RANBP2: variants seen among roughly 807,000 people sequenced by gnomAD.
RANBP2 encodes the protein RAN binding protein 2, also known as E3 SUMO-protein ligase RanBP2.
RANBP2 carries 57 observed loss-of-function variants against 303.6 expected under a neutral mutation model. The observed-to-expected ratio is 0.19, with a 90% confidence interval of 0.15 to 0.23. The LOEUF (loss-of-function observed/expected upper bound fraction) is 0.23. Among genes scored for constraint, RANBP2 ranks in the 10% least tolerant of loss-of-function variants. The pLI is 1.00. For missense variants in RANBP2, 3,138 were observed against 3,780.8 expected (o/e 0.83, Z 4.46); for synonymous variants, 1,167 against 1,301.5 (o/e 0.90, Z 2.23).
rs570529585 is a variant in RANBP2 at position 108,730,667 on chromosome 2, A to G, written c.141-107A>G. Reference sequence around the variant, plus strand: ...TGAATAGCGGTAGTTTTGAGTAACAATATAAACGAGTTTAGTGGTTGCTTT... The same window carrying G: ...TGAATAGCGGTAGTTTTGAGTAACAGTATAAACGAGTTTAGTGGTTGCTTT... On this transcript the variant is annotated intron_variant, in intron 2 of 28. Transcript: ENST00000283195. 316 of 1,413,492 alleles carry G rather than the reference A, an allele frequency of 2.2e-4. 2 individuals are homozygous for G. The highest frequency in any genetic ancestry group is 1.6e-4 in the Non-Finnish European group (160 of 1,009,650). The allele number at this position is 1,413,492 out of a possible 1,614,324, so 87.6% of individuals were successfully genotyped here. A position where few individuals can be genotyped will look rare whatever the true frequency, so the allele number is the denominator to read the frequency against.
At chr2:108,808,117 T>A in the RANBP2 span, among the ~76,000 whole-genome samples, 1 of 152,220 alleles carries the variant, frequency 6.6e-6, no homozygotes, top group East Asian at 1.9e-4. Flanking sequence ...TGGTAAGGTC[T>A]TTCAGGTTCA....
At chr2:109,665,249 C>A in the RANBP2 span, 1 of 152,850 alleles carries the variant, frequency 6.5e-6, no homozygotes, top group South Asian at 1.9e-4. Context: ...CTGTACGTGC[C>A]GTGGAAATGG....
At chr2:109,548,177 C>CA in the RANBP2 span, among the ~76,000 whole-genome samples, 1,757 of 145,588 alleles carry the variant, frequency 0.012, 13 homozygotes, top group Non-Finnish European at 0.019. Flanking sequence ...TGGCTTACCT[C>CA]AAAAAAAAAA....
At chr2:108,821,867 C>T in the RANBP2 span, among the ~76,000 whole-genome samples, 19 of 151,174 alleles carry the variant, frequency 1.3e-4, no homozygotes, top group African/African-American at 2.4e-4. Flanking sequence ...ATTGCTTGAA[C>T]CCAGGAGGTG....
At chr2:109,259,211 T>C in the RANBP2 span, among the ~76,000 whole-genome samples, 2 of 152,198 alleles carry the variant, frequency 1.3e-5, no homozygotes, top group Non-Finnish European at 2.9e-5. Flanking sequence ...TTCTCTGGCC[T>C]TCATGGGTCG....
chr2:108,809,151 CTCTATGCTGTTCCATTAG>C, the RANBP2 span, among the ~76,000 whole-genome samples: 12 of 152,232 alleles, frequency 7.9e-5, no homozygotes, highest in East Asian at 2.3e-3. Context: ...TTTCTGAGTT[CTCTATGCTGTTCCATTAG>C]TCTATGTGTC....
chr2:109,035,131 T>C, the RANBP2 span, among the ~76,000 whole-genome samples: 1 of 152,170 alleles, frequency 6.6e-6, no homozygotes, highest in African/African-American at 2.4e-5. Context: ...TTGTAAGATA[T>C]TGTAAGACAT....
At chr2:109,456,181 G>C in the RANBP2 span, among the ~76,000 whole-genome samples, 1 of 152,186 alleles carries the variant, frequency 6.6e-6, no homozygotes, top group Admixed American at 6.5e-5. Flanking sequence ...CTCTGCCCTG[G>C]CCACTTGTGC....
chr2:109,636,173 GAAAT>G, the RANBP2 span, among the ~76,000 whole-genome samples: 1 of 152,040 alleles, frequency 6.6e-6, no homozygotes, highest in Non-Finnish European at 1.5e-5. Flanking sequence ...AAAACTGTGA[GAAAT>G]AAATGTCCGT....
chr2:109,122,831 A>G, the RANBP2 span, among the ~76,000 whole-genome samples: 2 of 152,214 alleles, frequency 1.3e-5, no homozygotes, highest in African/African-American at 4.8e-5. Context: ...TGATTGTGCC[A>G]CTGCGCTCCA....
At chr2:109,105,082 G>C in the RANBP2 span, among the ~76,000 whole-genome samples, 1 of 152,166 alleles carries the variant, frequency 6.6e-6, no homozygotes, top group African/African-American at 2.4e-5. Flanking sequence ...TTGTTAAACT[G>C]TCTCTCTAAA....
At chr2:108,812,890 T>C in the RANBP2 span, 2 of 1,613,482 alleles carry the variant, frequency 1.2e-6, no homozygotes, top group Non-Finnish European at 1.7e-6. Flanking sequence ...ATGAAAAGTT[T>C]AAAACAAGAA....
the RANBP2 span, among the ~76,000 whole-genome samples, chr2:109,428,903 C>G: frequency 6.6e-6 from 1 of 152,188 alleles, no homozygotes; most frequent in African/African-American, 2.4e-5. Context: ...AGGTGCTGCC[C>G]GGTTCTCCCT....
At chr2:108,877,467 AAAAAAT>A in the RANBP2 span, among the ~76,000 whole-genome samples, 2 of 152,170 alleles carry the variant, frequency 1.3e-5, no homozygotes, top group African/African-American at 4.8e-5. Context: ...TTCTGTCTCA[AAAAAAT>A]AAAAATAAAT....
At chr2:108,755,970 C>G (rs1573785418) in intron 17 of RANBP2, among the ~76,000 whole-genome samples, 1 of 151,634 alleles carries the variant, frequency 6.6e-6, no homozygotes, top group Non-Finnish European at 1.5e-5. Flanking sequence ...GTGATCTGCC[C>G]GCCTTGGCCT....
At chr2:109,652,447 G>T in the RANBP2 span, among the ~76,000 whole-genome samples, 1 of 152,088 alleles carries the variant, frequency 6.6e-6, no homozygotes, top group African/African-American at 2.4e-5. Flanking sequence ...GGATGGTCTT[G>T]ATCTCCTGAC....
chr2:109,179,110 TGAAATGTCATGGCAGCTGGAA>T, the RANBP2 span, among the ~76,000 whole-genome samples: 2 of 151,772 alleles, frequency 1.3e-5, no homozygotes, highest in African/African-American at 4.8e-5. Flanking sequence ...GAAGAGTCTG[TGAAATGTCATGGCAGCTGGAA>T]GGAAACGAGT....
chr2:108,922,212 G>A, the RANBP2 span, among the ~76,000 whole-genome samples: 1 of 152,222 alleles, frequency 6.6e-6, no homozygotes, highest in Non-Finnish European at 1.5e-5. Context: ...TTTGTGAATA[G>A]GTGGGGAGTG....
the RANBP2 span, among the ~76,000 whole-genome samples, chr2:109,596,229 A>T: frequency 6.6e-6 from 1 of 152,150 alleles, no homozygotes; most frequent in East Asian, 1.9e-4. Flanking sequence ...CTGGTAAAAA[A>T]GTGGTTTTTA....
Sources: allele counts gnomAD v4.1 joint callset (sites outside exome capture counted in the v4.1 genomes callset), GRCh38; gene constraint gnomAD v4.1.1; transcripts MANE v1.5; gene names NCBI Gene and HGNC (gene_info 2026-07-23, HGNC 2026-07-21).